The following SPP1 variants were observed in gnomAD, a reference collection of about 807,000 sequenced individuals.
SPP1 encodes secreted phosphoprotein 1.
In SPP1, 18 loss-of-function variants were observed where a neutral mutation model predicts 20.8. The observed-to-expected ratio is 0.87, with a 90% confidence interval of 0.60 to 1.29. SPP1 has a LOEUF of 1.29. Among genes scored for constraint, SPP1 ranks in the 50% most tolerant of loss-of-function variants. The probability of loss-of-function intolerance (pLI) is 0.00; values close to 1 mark genes in which losing one functional copy is unlikely to be tolerated. For synonymous variants in SPP1, 146 were observed against 141.5 expected, an observed-to-expected ratio of 1.03 and a Z score of -0.23; for missense variants, 363 against 389.0, an observed-to-expected ratio of 0.93 and a Z score of 0.56.
chr4:87,977,674 A>G (rs1469100543), intron 3 of SPP1: 2 of 1,220,646 alleles, frequency 1.6e-6, no homozygotes, highest in South Asian at 1.5e-5. Flanking sequence ...CTAAAGATGT[A>G]CCTACCCCTC....
chr4:87,981,883 C>A, intron 6 of SPP1, 85 bp downstream of exon 6: 2 of 1,142,760 alleles, frequency 1.8e-6, no homozygotes, highest in Non-Finnish European at 2.5e-6. Context: ...TTCATTCATT[C>A]ATCCATTCAT....
chr4:87,981,369 T>G (rs1560582924), intron 5 of SPP1, 106 bp from the exon 6 acceptor site: 3 of 1,064,330 alleles, frequency 2.8e-6, no homozygotes, highest in Non-Finnish European at 2.7e-6. Flanking sequence ...AATGCAAAGA[T>G]TCTGAAACTA....
chr4:87,982,559 A>G lies in SPP1; in HGVS notation c.608A>G (p.Lys203Arg), dbSNP rs755114756. The change falls in exon 7 of 7, where the codon AAG (lysine) becomes AGG (arginine). Residue 203 changes from lysine to arginine, a missense_variant. Physicochemically the swap from Lys to Arg is conservative, Grantham distance 26. Transcript: ENST00000395080. ...MESEELNGAYKAIPVAQDLNA... is the reference protein window; with the variant it reads ...MESEELNGAYRAIPVAQDLNA... ...AGCGAGGAGTTGAATGGTGCATACAAGGCCATCCCCGTTGCCCAGGACCTG... is the reference window on the plus strand; with the variant it reads ...AGCGAGGAGTTGAATGGTGCATACAGGGCCATCCCCGTTGCCCAGGACCTG... 1 of 1,614,152 alleles carries G rather than the reference A, an allele frequency of 6.2e-7. No individual in the cohort carries two copies. Among genetic ancestry groups the G allele is most frequent in the Non-Finnish European group, 8.5e-7 (1 of 1,180,034 alleles).
chr4:87,976,472 G>A (rs1229103196), intron 1 of SPP1, among the ~76,000 whole-genome samples: 1 of 152,074 alleles, frequency 6.6e-6, no homozygotes, highest in Admixed American at 6.6e-5. Context: ...AATGGATAAA[G>A]CAAATTTTTT....
Position 87,977,088 on chromosome 4 carries a change from G to A in SPP1, c.84G>A (p.Glu28=). ...AACAGGCTGATTCTGGAAGTTCTGA[G>A]GAAAAGCAGGTAAGCATCTTTTATG... ...PVKQADSGSS[E]EKQLYNKYPD... is the part of the protein sequence containing the mutation. The change falls in exon 3 of 7, where the codon GAG becomes GAA. Residue 28 remains glutamate (E), a synonymous_variant. Transcript: ENST00000395080. The A allele has an allele frequency of 6.2e-7, 1 of 1,613,626 alleles. No homozygotes were observed. The highest frequency in any genetic ancestry group is 8.5e-7 in the Non-Finnish European group (1 of 1,179,920).
At position 87,981,748 on chromosome 4, in the gene SPP1, G is replaced by T. The variant is rs1253289171; in HGVS notation, c.490G>T (p.Val164Phe). Reference sequence around the variant, plus strand: ...ATATGATGGCCGAGGTGATAGTGTGGTTTATGGACTGAGGTCAAAATCTAA... The same window carrying T: ...ATATGATGGCCGAGGTGATAGTGTGTTTTATGGACTGAGGTCAAAATCTAA... ...DTYDGRGDSV[V>F]YGLRSKSKKF... Residue 164 changes from valine to phenylalanine, a missense_variant, in exon 6 of 7, where the codon GTT becomes TTT. Transcript: ENST00000395080. The T allele has an allele frequency of 6.2e-7, 1 of 1,614,174 alleles. No individual in the cohort carries two copies. Among genetic ancestry groups the T allele is most frequent in the East Asian group, 2.2e-5 (1 of 44,884 alleles).
chr4:87,976,047 T>A (rs1407109321), intron 1 of SPP1, among the ~76,000 whole-genome samples: 1 of 152,178 alleles, frequency 6.6e-6, no homozygotes, highest in Non-Finnish European at 1.5e-5. Context: ...AAACCACCGA[T>A]GCTAATCAGA....
At position 87,976,869 on chromosome 4, in the gene SPP1, A is replaced by C. The variant is rs1348417600; in HGVS notation, c.-14-13A>C. On this transcript the variant is annotated splice_polypyrimidine_tract_variant and intron_variant, in intron 1 of 6. Coordinates refer to ENST00000395080, the MANE Select transcript of SPP1 (RefSeq NM_001040058.2). ...ATGAAGATGTCAGCTATTCCTTATG[A>C]AATATTTTGCAGGAAAACTCACTAC... 1 of 1,608,442 alleles carries C rather than the reference A, an allele frequency of 6.2e-7. No homozygotes were observed. Among genetic ancestry groups the C allele is most frequent in the South Asian group, 1.1e-5 (1 of 90,918 alleles).
At position 87,983,191 on chromosome 4, in the gene SPP1, G is replaced by A. The variant is rs1475136585; in HGVS notation, c.*295G>A. 1.3e-5 allele frequency: 3 copies of A among 224,700 alleles called. No individual in the cohort carries two copies. Among genetic ancestry groups the A allele is most frequent in the Non-Finnish European group, 2.6e-5 (3 of 115,020 alleles). 13.9% of individuals were successfully genotyped at this position (224,700 alleles called of 1,614,324 possible). The stretch of plus-strand genomic sequence containing the variant: ...CTCATGAATAGAAATTTATGTAGAA[G>A]CAAACAAAATACTTTTACCCACTTA... On this transcript the variant is annotated 3_prime_UTR_variant, in exon 7 of 7. Transcript: ENST00000395080.
intron 1 of SPP1, among the ~76,000 whole-genome samples, chr4:87,976,277 T>TG (rs1468061535): frequency 6.6e-6 from 1 of 152,252 alleles, no homozygotes; most frequent in Non-Finnish European, 1.5e-5. Context: ...GATACCTGTA[T>TG]GACACTGTGT....
rs777421586 is a variant in SPP1 at position 87,982,829 on chromosome 4, A to T, written c.878A>T (p.Glu293Val). The T allele has an allele frequency of 1.2e-6, 2 of 1,614,080 alleles. No individual in the cohort carries two copies. Among genetic ancestry groups the T allele is most frequent in the African/African-American group, 2.7e-5 (2 of 74,934 alleles). The change falls in exon 7 of 7, where the codon GAA becomes GTA. Residue 293 changes from glutamate to valine, a missense_variant. Coordinates refer to ENST00000395080, the MANE Select transcript of SPP1 (RefSeq NM_001040058.2). ...CTGGTTGTAGACCCCAAAAGTAAGG[A>T]AGAAGATAAACACCTGAAATTTCGT... Reference protein sequence around the residue: ...DMLVVDPKSKEEDKHLKFRIS... With the variant: ...DMLVVDPKSKVEDKHLKFRIS...
At chr4:87,976,452 A>G (rs1012149830) in intron 1 of SPP1, among the ~76,000 whole-genome samples, 9 of 152,252 alleles carry the variant, frequency 5.9e-5, no homozygotes, top group African/African-American at 1.9e-4. Flanking sequence ...TTTAAAGTAC[A>G]TGTTGGAAAA....
chr4:87,982,271 T>C (rs764812056), intron 6 of SPP1, among the ~76,000 whole-genome samples: 2 of 152,126 alleles, frequency 1.3e-5, no homozygotes, highest in Non-Finnish European at 2.9e-5. Flanking sequence ...CCTCATAGGT[T>C]TCATTACATA....
rs747859107 is a variant in SPP1, at chr4:87,982,819, A to T, written c.868A>T (p.Lys290Ter). 4 of 1,614,222 alleles carry T rather than the reference A, an allele frequency of 2.5e-6. No homozygotes were observed. The highest frequency in any genetic ancestry group is 3.4e-6 in the Non-Finnish European group (4 of 1,180,038). Residue 290 changes from lysine (K) to a stop codon, truncating the protein, a stop_gained, in exon 7 of 7, where the codon AAA becomes TAA. Coordinates refer to ENST00000395080, the MANE Select transcript of SPP1 (RefSeq NM_001040058.2). LOFTEE classifies it high-confidence loss of function. ...TGAAGATATGCTGGTTGTAGACCCC[A>T]AAAGTAAGGAAGAAGATAAACACCT... ...SHEDMLVVDP[K>*]SKEEDKHLKF...
rs1241931471 is a variant in SPP1, at chr4:87,981,543, C to T, written c.285C>T (p.Asp95=). ...ATATGGATGATGAAGATGATGATGA[C>T]CATGTGGACAGCCAGGACTCCATTG... ...MDDMDDEDDD[D]HVDSQDSIDS... The change falls in exon 6 of 7, where the codon GAC becomes GAT. Residue 95 remains aspartate (D), a synonymous_variant. Transcript: ENST00000395080. 3.1e-6 allele frequency: 5 copies of T among 1,614,080 alleles called. No homozygotes were observed. The Admixed American group carries it at 5.0e-5, about 16-fold the overall frequency.
intron 6 of SPP1, 39 bp from the exon 7 acceptor site, chr4:87,982,453 C>T (rs1187550755): frequency 5.0e-6 from 8 of 1,587,870 alleles, no homozygotes; most frequent in Middle Eastern, 1.7e-4. Context: ...CCATCCCTAG[C>T]CGTTCATATA....
rs41513149 is a variant in SPP1 at position 87,981,820 on chromosome 4, C to A, written c.540+22C>A. The A allele has an allele frequency of 9.4e-4, 1,500 of 1,603,938 alleles. 15 individuals carry two copies. The African/African-American group carries it at 0.017, about 18-fold the overall frequency. The stretch of plus-strand genomic sequence containing the variant: ...CCAGGTAAATCCTTTAACAGACACA[C>A]CTGATGGTTCTGACTAGCGCTCAAG... On this transcript the variant is annotated intron_variant, in intron 6 of 6. Coordinates refer to ENST00000395080, the MANE Select transcript of SPP1 (RefSeq NM_001040058.2).
chr4:87,977,229 G>A, intron 3 of SPP1, 132 bp downstream of exon 3: 3 of 911,764 alleles, frequency 3.3e-6, no homozygotes, highest in South Asian at 3.1e-5. Flanking sequence ...TTGATTGACT[G>A]CCTGCTATGA....
intron 3 of SPP1, 37 bp from the exon 4 acceptor site, chr4:87,980,008 CT>C: frequency 1.2e-6 from 2 of 1,600,340 alleles, no homozygotes; most frequent in South Asian, 1.1e-5. Context: ...CCCTACATTT[CT>C]TTTTTTAATA....
Sources: gnomAD v4.1 joint callset for allele counts (sites outside exome capture counted in the v4.1 genomes callset) on GRCh38, gnomAD v4.1.1 for gene constraint, MANE v1.5 for transcripts, NCBI Gene and HGNC (gene_info 2026-07-23, HGNC 2026-07-21) for gene names.